The following CASR variants were observed in gnomAD, a reference collection of about 807,000 sequenced individuals.
The protein encoded by CASR is calcium sensing receptor, also known as extracellular calcium-sensing receptor.
In CASR, 23 loss-of-function variants were observed where a neutral mutation model predicts 69.1. The ratio of observed to expected loss-of-function variants is 0.33; its 90% CI spans 0.24 to 0.47. The LOEUF is 0.47. Ranked by LOEUF, CASR falls within the 20% of genes least tolerant of loss-of-function variation. The pLI is 1.00. For missense variants in CASR, 924 were observed against 1,356.1 expected, an observed-to-expected ratio of 0.68 and a Z score of 5.00; for synonymous variants, 541 against 544.7, an observed-to-expected ratio of 0.99 and a Z score of 0.10.
In CASR at chr3:122,275,696, G is replaced by A. The variant is rs1028099397; in HGVS notation, c.1378-116G>A. ...AAAAGCTGTCTCTTCCTCAAGTCACGTTCCTCCCACTTTGTTGGAACAAGA... is the reference window on the plus strand; with the variant it reads ...AAAAGCTGTCTCTTCCTCAAGTCACATTCCTCCCACTTTGTTGGAACAAGA... On this transcript the variant is annotated intron_variant, in intron 4 of 6. Coordinates refer to ENST00000639785, the MANE Select transcript of CASR (RefSeq NM_000388.4). The A allele has an allele frequency of 3.4e-5, 26 of 768,718 alleles. No homozygotes were observed. In the African/African-American group the frequency reaches 3.7e-4, roughly 11 times the overall value. The allele number at this position is 768,718 out of a possible 1,614,324, so 47.6% of individuals were successfully genotyped here.
chr3:122,264,052 CT>C (rs1289489730), intron 4 of CASR, among the ~76,000 whole-genome samples: 2 of 151,328 alleles, frequency 1.3e-5, no homozygotes, highest in Non-Finnish European at 2.9e-5. Flanking sequence ...TCAATGGCTC[CT>C]CTTCCAGATA....
At chr3:122,272,221 C>A (rs115319101) in intron 4 of CASR, among the ~76,000 whole-genome samples, 2 of 152,112 alleles carry the variant, frequency 1.3e-5, no homozygotes, top group African/African-American at 2.4e-5. Flanking sequence ...GTTTACATCC[C>A]CACCAGCAGT....
chr3:122,196,260 T>G (rs1180219013), intron 1 of CASR, among the ~76,000 whole-genome samples: 3 of 152,140 alleles, frequency 2.0e-5, no homozygotes, highest in Non-Finnish European at 4.4e-5. Flanking sequence ...ATACAACATA[T>G]GGTATGGTAA....
chr3:122,208,246 G>A (rs182993977), intron 1 of CASR, among the ~76,000 whole-genome samples: 5 of 151,854 alleles, frequency 3.3e-5, no homozygotes, highest in Non-Finnish European at 7.4e-5. Context: ...TTCTTTAGAC[G>A]GGTCTCACCA....
intron 1 of CASR, among the ~76,000 whole-genome samples, chr3:122,212,292 G>C (rs2074076063): frequency 6.6e-6 from 1 of 152,130 alleles, no homozygotes; most frequent in Admixed American, 6.5e-5. Context: ...ATTATCCTCA[G>C]CAAACTAACT....
At chr3:122,247,598 C>G (rs1006682145) in intron 1 of CASR, 1 of 152,194 alleles carries the variant, frequency 6.6e-6, no homozygotes, top group African/African-American at 2.4e-5. Context: ...TGGGCTATGT[C>G]GCCAGCAACT....
intron 4 of CASR, among the ~76,000 whole-genome samples, chr3:122,272,500 G>C (rs1185890750): frequency 6.6e-6 from 1 of 152,108 alleles, no homozygotes; most frequent in African/African-American, 2.4e-5. Flanking sequence ...TCCTTTGCCA[G>C]CCAAAATATG....
At chr3:122,262,812 C>A (rs539727595) in intron 4 of CASR, among the ~76,000 whole-genome samples, 1 of 152,222 alleles carries the variant, frequency 6.6e-6, no homozygotes, top group Admixed American at 6.5e-5. Context: ...TGGCATAAAG[C>A]TAGTATTATT....
chr3:122,250,500 T>G (rs1559953351), intron 1 of CASR, among the ~76,000 whole-genome samples: 1 of 152,236 alleles, frequency 6.6e-6, no homozygotes, highest in Non-Finnish European at 1.5e-5. Context: ...ATTCAGTCCA[T>G]GGGACTCCTT....
chr3:122,192,249 A>G (rs962281511), intron 1 of CASR, among the ~76,000 whole-genome samples: 1 of 152,200 alleles, frequency 6.6e-6, no homozygotes, highest in Admixed American at 6.5e-5. Flanking sequence ...TGTAACTGTC[A>G]TGTAACTCTG....
rs775764381 is a variant in CASR at position 122,230,527 on chromosome 3, C to T, written c.-242-23421C>T. ...GAGGGGCTTCCCCTCTCTGCGCCAC[C>T]ATCCCCCACCCCCTGCAACAGGGCA... On this transcript the variant is annotated intron_variant, in intron 1 of 6. Coordinates refer to ENST00000639785, the MANE Select transcript of CASR (RefSeq NM_000388.4). Among the ~76,000 whole-genome samples the T allele has an allele frequency of 4.6e-5, 7 of 152,336 alleles. No homozygotes were observed. The East Asian group carries it at 9.7e-4, about 21-fold the overall frequency.
At chr3:122,228,880 C>T (rs1473825304) in intron 1 of CASR, among the ~76,000 whole-genome samples, 1 of 152,224 alleles carries the variant, frequency 6.6e-6, no homozygotes, top group Non-Finnish European at 1.5e-5. Flanking sequence ...ACCATGACAC[C>T]TGACCCTCTC....
Position 122,244,105 on chromosome 3 carries a change from A to T in CASR, c.-242-9843A>T, listed in dbSNP as rs984074021. 2.0e-5 allele frequency among the ~76,000 whole-genome samples: 3 copies of T among 152,124 alleles called. 1 individual carries two copies. Among genetic ancestry groups the T allele is most frequent in the South Asian group, 4.1e-4 (2 of 4,834 alleles). ...TAGTTAGAAAGAATGAATAAGACCT[A>T]GTATTTGATAGTATAATGGGATGAC... On this transcript the variant is annotated intron_variant, in intron 1 of 6. Transcript: ENST00000639785.
At chr3:122,253,714 C>A (rs1331362365) in intron 1 of CASR, among the ~76,000 whole-genome samples, 3 of 152,146 alleles carry the variant, frequency 2.0e-5, no homozygotes, top group Non-Finnish European at 4.4e-5. Context: ...TTATCAAGGG[C>A]CTCTTTAAAA....
intron 1 of CASR, among the ~76,000 whole-genome samples, chr3:122,225,569 A>C (rs2074214652): frequency 6.6e-6 from 1 of 151,896 alleles, no homozygotes; most frequent in Admixed American, 6.5e-5. Flanking sequence ...AAAAAAAAAA[A>C]AAAACAGATG....
At chr3:122,233,291 G>A (rs761456263) in intron 1 of CASR, among the ~76,000 whole-genome samples, 6 of 152,222 alleles carry the variant, frequency 3.9e-5, no homozygotes, top group Non-Finnish European at 2.9e-5. Context: ...TCCAAGCACA[G>A]GGTGTTCCTC....
At chr3:122,195,769 T>A (rs1003120208) in intron 1 of CASR, among the ~76,000 whole-genome samples, 1 of 152,216 alleles carries the variant, frequency 6.6e-6, no homozygotes, top group African/African-American at 2.4e-5. Flanking sequence ...TCAGTTCATA[T>A]CATTCCAAAG....
chr3:122,256,612 A>G (rs925887539), intron 2 of CASR, among the ~76,000 whole-genome samples: 2 of 151,846 alleles, frequency 1.3e-5, no homozygotes, highest in African/African-American at 4.8e-5. Context: ...TCCTCCTTTT[A>G]TTTTTATTTA....
At chr3:122,238,952 G>C (rs1452477629) in intron 1 of CASR, among the ~76,000 whole-genome samples, 1 of 152,168 alleles carries the variant, frequency 6.6e-6, no homozygotes, top group Non-Finnish European at 1.5e-5. Context: ...CATGGGCTTT[G>C]GGTGAGACTC....
Sources: gnomAD v4.1 joint callset for allele counts (sites outside exome capture counted in the v4.1 genomes callset) on GRCh38, gnomAD v4.1.1 for gene constraint, MANE v1.5 for transcripts, NCBI Gene and HGNC (gene_info 2026-07-23, HGNC 2026-07-21) for gene names.